The following RSPRY1 variants were observed in gnomAD, a reference collection of about 807,000 sequenced individuals.
The protein encoded by RSPRY1 is ring finger and SPRY domain containing 1, also known as RING finger and SPRY domain-containing protein 1.
In RSPRY1, 23 loss-of-function variants were observed where a neutral mutation model predicts 73.1. The observed-to-expected ratio is 0.31, with a 90% confidence interval of 0.23 to 0.45. RSPRY1 has a LOEUF of 0.45. Ranked by LOEUF, RSPRY1 falls within the 20% of genes least tolerant of loss-of-function variation. The probability of loss-of-function intolerance (pLI) is 1.00; values close to 1 mark genes in which losing one functional copy is unlikely to be tolerated. For missense variants in RSPRY1, 448 were observed against 698.7 expected, an observed-to-expected ratio of 0.64 and a Z score of 4.05; for synonymous variants, 226 against 251.4, an observed-to-expected ratio of 0.90 and a Z score of 0.95.
intron 11 of RSPRY1, among the ~76,000 whole-genome samples, chr16:57,228,745 G>A (rs552125950): frequency 4.2e-4 from 64 of 152,198 alleles, no homozygotes; most frequent in Admixed American, 2.1e-3. Flanking sequence ...CCAGGCTTGC[G>A]TGCAGTGGTG....
At position 57,229,690 on chromosome 16, in the gene RSPRY1, C is replaced by CTT. The variant is rs1162737560; in HGVS notation, c.1274-989_1274-988dup. 4.2e-3 allele frequency among the ~76,000 whole-genome samples: 176 copies of CTT among 42,148 alleles called. 52 individuals are homozygous for CTT. The highest frequency in any genetic ancestry group is 0.04 in the East Asian group (42 of 1,060). 27.7% of individuals were successfully genotyped at this position (42,148 alleles called of 152,430 possible). ...TTTATCTGATAAGTGAAGATAAATGCTTTTTTTTTTTTTTTTTTTTTTTTT... is the reference window on the plus strand; with the variant it reads ...TTTATCTGATAAGTGAAGATAAATGCTTTTTTTTTTTTTTTTTTTTTTTTTTT... On this transcript the variant is annotated intron_variant, in intron 11 of 14. Coordinates refer to ENST00000394420, the MANE Select transcript of RSPRY1 (RefSeq NM_133368.3).
At position 57,204,827 on chromosome 16, in the gene RSPRY1, G is replaced by C; in HGVS notation, c.169G>C (p.Asp57His). ...RDDSGTDDSV[D>H]TQQQQAENSA... is the part of the protein sequence containing the mutation. ...TGACAGTGGAACAGATGACAGTGTT[G>C]ACACCCAACAGCAACAGGCCGAGAA... is the stretch of plus-strand genomic sequence containing the variant. Residue 57 changes from aspartate (D) to histidine (H), a missense_variant, in exon 2 of 15, where the codon GAC becomes CAC. Asp to His is a moderately conservative substitution (Grantham distance 81). Coordinates refer to ENST00000394420, the MANE Select transcript of RSPRY1 (RefSeq NM_133368.3). 1 of 1,614,146 alleles carries C rather than the reference G, an allele frequency of 6.2e-7. No individual in the cohort carries two copies. Among genetic ancestry groups the C allele is most frequent in the Non-Finnish European group, 8.5e-7 (1 of 1,180,026 alleles).
intron 14 of RSPRY1, among the ~76,000 whole-genome samples, chr16:57,237,689 T>TTTTA (rs532269384): frequency 1.3e-5 from 2 of 151,258 alleles, no homozygotes; most frequent in Non-Finnish European, 2.9e-5. Flanking sequence ...ATTTTTTTAT[T>TTTTA]TTTATTTATT....
In RSPRY1 at chr16:57,221,396, A is replaced by G; in HGVS notation, c.1142A>G (p.Asp381Gly). 1.9e-6 allele frequency: 3 copies of G among 1,613,836 alleles called. No homozygotes were observed. The highest frequency in any genetic ancestry group is 2.2e-5 in the South Asian group (2 of 91,038). Residue 381 changes from aspartate (D) to glycine (G), a missense_variant, in exon 10 of 15, where the codon GAC becomes GGC. Asp to Gly is a moderately conservative substitution (Grantham distance 94). Coordinates refer to ENST00000394420, the MANE Select transcript of RSPRY1 (RefSeq NM_133368.3). Reference protein sequence around the residue: ...GVMQIGWATRDSKFLNHEGYG... With the variant: ...GVMQIGWATRGSKFLNHEGYG... ...ATGCAGATTGGCTGGGCCACTCGAG[A>G]CAGCAAATTCCTCAATCATGTGAGT...
intron 4 of RSPRY1, among the ~76,000 whole-genome samples, chr16:57,210,103 T>C (rs1818024317): frequency 7.8e-6 from 1 of 128,892 alleles, no homozygotes; most frequent in South Asian, 2.8e-4. Flanking sequence ...TTGCCTCCCT[T>C]CCTTCCCCGG....
intron 8 of RSPRY1, 74 bp downstream of exon 8, chr16:57,217,109 C>A: frequency 6.5e-7 from 1 of 1,549,452 alleles, no homozygotes; most frequent in South Asian, 1.1e-5. Context: ...GCTCACTGGT[C>A]TTCCTTTTGC....
intron 10 of RSPRY1, among the ~76,000 whole-genome samples, chr16:57,224,979 G>T (rs1398317024): frequency 6.6e-6 from 1 of 152,226 alleles, no homozygotes; most frequent in African/African-American, 2.4e-5. Flanking sequence ...CATTTTAGTG[G>T]TTTTTAAGTT....
chr16:57,219,553 G>A (rs1342336749), intron 8 of RSPRY1: 2 of 152,132 alleles, frequency 1.3e-5, no homozygotes, highest in African/African-American at 4.8e-5. Context: ...TATATATTCT[G>A]GTTATTAATC....
At chr16:57,204,102 T>A (rs987129148) in intron 1 of RSPRY1, among the ~76,000 whole-genome samples, 24 of 152,228 alleles carry the variant, frequency 1.6e-4, no homozygotes, top group Admixed American at 2.0e-4. Context: ...TTCATTTTTT[T>A]AAAGATTTTT....
At chr16:57,227,513 G>A (rs1164786307) in intron 11 of RSPRY1, 60 bp downstream of exon 11, 2 of 1,190,382 alleles carry the variant, frequency 1.7e-6, no homozygotes, top group East Asian at 2.3e-5. Flanking sequence ...TTATTATGAG[G>A]CATTTATTAC....
chr16:57,201,179 G>C (rs2074591732), intron 1 of RSPRY1, among the ~76,000 whole-genome samples: 1 of 151,584 alleles, frequency 6.6e-6, no homozygotes, highest in African/African-American at 2.4e-5. Flanking sequence ...CTGCCAGGTG[G>C]AGGGGCTCCT....
intron 6 of RSPRY1, among the ~76,000 whole-genome samples, chr16:57,215,387 G>C (rs899423118): frequency 7.2e-5 from 11 of 152,176 alleles, no homozygotes; most frequent in African/African-American, 2.7e-4. Flanking sequence ...GTGGTTATGT[G>C]AGGTTTCCAG....
chr16:57,232,916 CCTAA>C (rs749874678), intron 13 of RSPRY1, among the ~76,000 whole-genome samples: 7 of 152,198 alleles, frequency 4.6e-5, no homozygotes, highest in East Asian at 1.9e-4. Context: ...TTGTCAGGAG[CCTAA>C]CTGAGTGGCC....
At chr16:57,212,410 G>A (rs550382171) in intron 4 of RSPRY1, among the ~76,000 whole-genome samples, 65 of 152,148 alleles carry the variant, frequency 4.3e-4, no homozygotes, top group Middle Eastern at 3.4e-3. Flanking sequence ...TTTCATAATG[G>A]CATCTGAGTG....
chr16:57,209,100 G>A lies in RSPRY1; in HGVS notation c.429G>A (p.Gln143=). The change falls in exon 4 of 15, where the codon CAG becomes CAA. Residue 143 remains glutamine (Q), a synonymous_variant. Coordinates refer to ENST00000394420, the MANE Select transcript of RSPRY1 (RefSeq NM_133368.3). ...ETDEGWLDVV[Q]SLIRVIPLED... is the part of the protein sequence containing the mutation. The stretch of plus-strand genomic sequence containing the variant: ...ATGAAGGATGGTTGGATGTTGTCCA[G>A]TCTTTAATTAGAGTTATTCCACTGG... 1.9e-6 allele frequency: 3 copies of A among 1,612,588 alleles called. No individual in the cohort carries two copies. Among genetic ancestry groups the A allele is most frequent in the Non-Finnish European group, 2.5e-6 (3 of 1,179,070 alleles).
At position 57,201,286 on chromosome 16, in the gene RSPRY1, C is replaced by T. The variant is rs548080672; in HGVS notation, c.-155-3218C>T. 3.8e-3 allele frequency among the ~76,000 whole-genome samples: 570 copies of T among 149,506 alleles called. 5 individuals are homozygous for T. The highest frequency in any genetic ancestry group is 0.013 in the African/African-American group (540 of 40,422). On this transcript the variant is annotated intron_variant, in intron 1 of 14. Transcript: ENST00000394420. ...GGGGCTCCTCACTTCTCAGACGGGG[C>T]GGTTGCCAGGCAGAGGGTCTCCTCA...
At chr16:57,225,541 C>G (rs1277818533) in intron 10 of RSPRY1, among the ~76,000 whole-genome samples, 1 of 152,222 alleles carries the variant, frequency 6.6e-6, no homozygotes, top group African/African-American at 2.4e-5. Flanking sequence ...TTTCCAATCT[C>G]TCTCCTCACT....
chr16:57,204,032 CTG>C (rs1407315822), intron 1 of RSPRY1, among the ~76,000 whole-genome samples: 3 of 152,100 alleles, frequency 2.0e-5, no homozygotes, highest in South Asian at 2.1e-4. Flanking sequence ...CAACAAACGT[CTG>C]TAATTATTTT....
At chr16:57,230,665 G>A (rs1329480717) in intron 11 of RSPRY1, 46 bp from the exon 12 acceptor site, 9 of 1,058,420 alleles carry the variant, frequency 8.5e-6, no homozygotes, top group Admixed American at 3.4e-5. Flanking sequence ...AAAGAATCCT[G>A]GTAGTACACA....
Sources: gnomAD v4.1 joint callset for allele counts (sites outside exome capture counted in the v4.1 genomes callset) on GRCh38, gnomAD v4.1.1 for gene constraint, MANE v1.5 for transcripts, NCBI Gene and HGNC (gene_info 2026-07-23, HGNC 2026-07-21) for gene names.